The following DAB1 variants were observed in gnomAD, a reference collection of about 807,000 sequenced individuals.
DAB1 encodes DAB adaptor protein 1.
Under a neutral mutation model 64.6 loss-of-function variants are expected in DAB1, and 15 were observed. The observed-to-expected ratio is 0.23, with a 90% CI of 0.16 to 0.36. The LOEUF is 0.36. Among genes scored for constraint, DAB1 ranks in the 10% least tolerant of loss-of-function variants. The probability of loss-of-function intolerance (pLI) is 1.00; values close to 1 mark genes in which losing one functional copy is unlikely to be tolerated. For synonymous variants in DAB1, 235 were observed against 251.9 expected, an observed-to-expected ratio of 0.93 and a Z score of 0.64; for missense variants, 596 against 706.7, an observed-to-expected ratio of 0.84 and a Z score of 1.78.
intron 1 of DAB1, chr1:57,876,425 C>G (rs1644047144): frequency 1.3e-5 from 2 of 152,242 alleles, no homozygotes; most frequent in South Asian, 4.1e-4. Flanking sequence ...ATCTTGTGCA[C>G]AGTACCTGGC....
At chr1:57,165,792 C>T (rs117587246) in intron 2 of DAB1, among the ~76,000 whole-genome samples, 1 of 152,340 alleles carries the variant, frequency 6.6e-6, no homozygotes, top group East Asian at 1.9e-4. Context: ...TTGCTTTCCA[C>T]TCTACCTCTC....
chr1:57,569,024 C>T (rs942351639), intron 7 of DAB1, among the ~76,000 whole-genome samples: 4 of 151,274 alleles, frequency 2.6e-5, no homozygotes, highest in East Asian at 2.0e-4. Flanking sequence ...TTTGGGAGGC[C>T]GAGGCGGGCG....
intron 5 of DAB1, among the ~76,000 whole-genome samples, chr1:58,082,194 T>C (rs1162821121): frequency 6.6e-6 from 1 of 152,178 alleles, no homozygotes; most frequent in Non-Finnish European, 1.5e-5. Flanking sequence ...GATTTTGCAT[T>C]CTGATGTGGA....
chr1:57,344,409 C>T (rs1449450150), intron 1 of DAB1, among the ~76,000 whole-genome samples: 4 of 152,024 alleles, frequency 2.6e-5, no homozygotes, highest in Admixed American at 6.6e-5. Context: ...AATCCTGTGC[C>T]GTTTTGCATT....
At chr1:57,669,463 G>GC (rs1462094553) in intron 6 of DAB1, among the ~76,000 whole-genome samples, 1 of 151,954 alleles carries the variant, frequency 6.6e-6, no homozygotes, top group Non-Finnish European at 1.5e-5. Context: ...TCTGGACATG[G>GC]CCCCCCTGCC....
chr1:57,858,128 T>A (rs1187040501), intron 1 of DAB1, among the ~76,000 whole-genome samples: 2 of 152,186 alleles, frequency 1.3e-5, no homozygotes, highest in Non-Finnish European at 2.9e-5. Context: ...GGGTTCCTTC[T>A]GTGGAAGTGT....
chr1:58,063,976 A>T (rs1407888333), intron 5 of DAB1, among the ~76,000 whole-genome samples: 10 of 152,256 alleles, frequency 6.6e-5, no homozygotes. Context: ...TTGCATACAG[A>T]TGAGGGTGTT....
At chr1:57,080,539 C>T (rs938756605) in intron 4 of DAB1, among the ~76,000 whole-genome samples, 8 of 152,150 alleles carry the variant, frequency 5.3e-5, no homozygotes, top group Non-Finnish European at 1.0e-4. Flanking sequence ...ATATGCTATA[C>T]ACACACCAGT....
At chr1:58,145,984 AC>A (rs1328144457) in intron 5 of DAB1, among the ~76,000 whole-genome samples, 3 of 152,282 alleles carry the variant, frequency 2.0e-5, no homozygotes, top group Middle Eastern at 3.4e-3. Flanking sequence ...CAGCATGAAG[AC>A]CTTTATGATG....
chr1:57,121,166 A>AAGG (rs1161251597), intron 4 of DAB1, among the ~76,000 whole-genome samples: 1 of 142,446 alleles, frequency 7.0e-6, no homozygotes, highest in Non-Finnish European at 1.6e-5. Flanking sequence ...GGAGGAGGAG[A>AAGG]AGGAGGAGAA....
chr1:57,677,668 GATAATT>G (rs1237072297), intron 6 of DAB1, among the ~76,000 whole-genome samples: 1 of 152,166 alleles, frequency 6.6e-6, no homozygotes. Flanking sequence ...ACGACCAACT[GATAATT>G]AGAATTAATT....
chr1:58,377,967 C>T (rs1359887544), intron 3 of DAB1, among the ~76,000 whole-genome samples: 5 of 141,828 alleles, frequency 3.5e-5, no homozygotes, highest in South Asian at 2.3e-4. Context: ...TCCAGTTGAT[C>T]GCATCGGCTC....
chr1:57,833,959 G>A (rs1478665044), intron 1 of DAB1, among the ~76,000 whole-genome samples: 1 of 152,138 alleles, frequency 6.6e-6, no homozygotes, highest in Non-Finnish European at 1.5e-5. Context: ...TGCCCAAACA[G>A]CATAGCAATA....
chr1:57,160,864 C>T (rs1315415050), intron 2 of DAB1, among the ~76,000 whole-genome samples: 2 of 152,124 alleles, frequency 1.3e-5, no homozygotes, highest in Non-Finnish European at 2.9e-5. Context: ...CAATCAATAA[C>T]TGGTTGATTA....
At chr1:57,555,238 T>A (rs1570622480) in intron 7 of DAB1, among the ~76,000 whole-genome samples, 1 of 151,938 alleles carries the variant, frequency 6.6e-6, no homozygotes, top group African/African-American at 2.4e-5. Flanking sequence ...TTTCACCATG[T>A]TGGCCAGGAT....
chr1:57,013,378 A>C (rs527661053), intron 12 of DAB1, among the ~76,000 whole-genome samples: 7 of 152,132 alleles, frequency 4.6e-5, no homozygotes, highest in Non-Finnish European at 1.0e-4. Flanking sequence ...TGAAAGAGAG[A>C]TGTTTGTTTT....
At chr1:57,035,391 C>T (rs1475610479) in intron 9 of DAB1, among the ~76,000 whole-genome samples, 2 of 152,074 alleles carry the variant, frequency 1.3e-5, no homozygotes, top group Non-Finnish European at 2.9e-5. Flanking sequence ...CATAAAACCC[C>T]CCACCATGTC....
intron 1 of DAB1, among the ~76,000 whole-genome samples, chr1:57,378,045 A>T (rs1264414593): frequency 6.6e-6 from 1 of 152,172 alleles, no homozygotes; most frequent in African/African-American, 2.4e-5. Flanking sequence ...GGCCTCCTGC[A>T]AATGTTCCCC....
At chr1:57,152,585 C>CCTT (rs1208418248) in intron 2 of DAB1, among the ~76,000 whole-genome samples, 1 of 152,224 alleles carries the variant, frequency 6.6e-6, no homozygotes, top group African/African-American at 2.4e-5. Flanking sequence ...TGCTACTGTA[C>CCTT]CTTCACCTAT....
Sources: allele counts gnomAD v4.1 joint callset (sites outside exome capture counted in the v4.1 genomes callset), GRCh38; gene constraint gnomAD v4.1.1; transcripts MANE v1.5; gene names NCBI Gene and HGNC (gene_info 2026-07-23, HGNC 2026-07-21).